The following PTCH1 variants were observed in gnomAD, a reference collection of about 807,000 sequenced individuals.
The protein encoded by PTCH1 is patched 1.
PTCH1 carries 14 observed loss-of-function variants against 144.6 expected under a neutral mutation model. The ratio of observed to expected loss-of-function variants is 0.10; its 90% CI spans 0.06 to 0.15. The LOEUF is 0.15. Ranked by LOEUF, PTCH1 falls within the 10% of genes least tolerant of loss-of-function variation. The pLI is 1.00. For missense variants in PTCH1, 1,623 were observed against 1,948.3 expected (o/e 0.83, Z 3.14); for synonymous variants, 833 against 793.6 (o/e 1.05, Z -0.83).
chr9:95,449,204 C>G lies in PTCH1; in HGVS notation c.3669G>C (p.Ser1223=), dbSNP rs780515178. 6.2e-7 allele frequency: 1 copy of G among 1,605,994 alleles called. No individual in the cohort carries two copies. The highest frequency in any genetic ancestry group is 1.3e-5 in the African/African-American group (1 of 74,860). The part of the protein sequence containing the change: ...HTHSGSDSSD[S]EYSSQTTVSG... Reference sequence around the variant, plus strand: ...ACACTGTCGTCTGGGAACTATACTCCGAGTCGGAGGAATCAGACCCGCTGT... The same window carrying G: ...ACACTGTCGTCTGGGAACTATACTCGGAGTCGGAGGAATCAGACCCGCTGT... Residue 1223 remains serine, a synonymous_variant, in exon 22 of 24, where the codon TCG becomes TCC. Transcript: ENST00000331920. This position sits in a 1 kb window ranked among gnomAD's most constrained non-coding sequence, Gnocchi z 5.3.
Position 95,462,999 on chromosome 9 carries a change from C to A in PTCH1, c.2561-1001G>T, listed in dbSNP as rs571637432. ...GCTCTCCGGGACACCCCCCTCCCCC[C>A]ACCCACCCTTGCCCCTCCCAGCCAC... is the stretch of plus-strand genomic sequence containing the variant. On this transcript the variant is annotated intron_variant, in intron 15 of 23. Coordinates refer to ENST00000331920, the MANE Select transcript of PTCH1 (RefSeq NM_000264.5). 3.1e-4 allele frequency among the ~76,000 whole-genome samples: 46 copies of A among 149,522 alleles called. No individual in the cohort carries two copies. The South Asian group carries it at 5.4e-3, about 17-fold the overall frequency.
chr9:95,447,613 C>T (rs1427923942), intron 22 of PTCH1, among the ~76,000 whole-genome samples, 162 bp from the exon 23 acceptor site: 2 of 152,254 alleles, frequency 1.3e-5, no homozygotes, highest in African/African-American at 4.8e-5. Context: ...CTTCTAATAA[C>T]CTCCAGGACC....
chr9:95,480,294 A>C, intron 6 of PTCH1, 96 bp downstream of exon 6: 1 of 1,549,286 alleles, frequency 6.5e-7, no homozygotes, highest in Non-Finnish European at 8.8e-7. Context: ...TGGAGAATGA[A>C]ATGTTAAAAA....
At position 95,508,397 on chromosome 9, in the gene PTCH1, G is replaced by A. The variant is rs1843921545; in HGVS notation, c.-36C>T. 3 of 1,106,180 alleles carry A rather than the reference G, an allele frequency of 2.7e-6. No individual in the cohort carries two copies. Among genetic ancestry groups the A allele is most frequent in the Non-Finnish European group, 3.3e-6 (3 of 910,024 alleles). 68.5% of individuals were successfully genotyped at this position (1,106,180 alleles called of 1,614,324 possible). A position where few individuals can be genotyped will look rare whatever the true frequency, so the allele number is the denominator to read the frequency against. ...CCGCCGCCGCCGCCGCGGGGACGGA[G>A]GCTTCCCGGGCGGCCCGGCGCGCTG... On this transcript the variant is annotated 5_prime_UTR_variant, in exon 1 of 24. Transcript: ENST00000331920.
At position 95,506,444 on chromosome 9, in the gene PTCH1, C is replaced by G. The variant is rs377575915; in HGVS notation, c.357G>C (p.Ala119=). Residue 119 remains alanine, a synonymous_variant, in exon 2 of 24, where the codon GCG becomes GCC. Transcript: ENST00000331920. ...GCTCCTCCACGTTGGTCTCGAGGTTCGCTGCTTTTAATCCCACCGCGAAGG... is the reference window on the plus strand; with the variant it reads ...GCTCCTCCACGTTGGTCTCGAGGTTGGCTGCTTTTAATCCCACCGCGAAGG... ...FGAFAVGLKA[A]NLETNVEELW... is the part of the protein sequence containing the mutation. 3.1e-6 allele frequency: 5 copies of G among 1,612,642 alleles called. No homozygotes were observed. In the African/African-American group the frequency reaches 6.7e-5, roughly 22 times the overall value.
intron 2 of PTCH1, among the ~76,000 whole-genome samples, chr9:95,502,270 C>A (rs1413268598): frequency 1.3e-5 from 2 of 152,224 alleles, no homozygotes; most frequent in Non-Finnish European, 2.9e-5. Flanking sequence ...GCACTGCTGT[C>A]CTTCATGTTA....
chr9:95,447,418 A>C lies in PTCH1; in HGVS notation c.3838T>G (p.Ser1280Ala), dbSNP rs2136584448. The change falls in exon 23 of 24, where the codon TCG (serine) becomes GCG (alanine). Residue 1280 changes from serine (S) to alanine (A), a missense_variant. Ser to Ala is a moderately conservative substitution (Grantham distance 99). Transcript: ENST00000331920. ...VHPESRHHPP[S>A]NPRQQPHLDS... is the part of the protein sequence containing the mutation. The stretch of plus-strand genomic sequence containing the variant: ...AGGTGGGGCTGCTGTCTCGGGTTCG[A>C]GGGTGGGTGATGCCTGGATTCGGGA... 1 of 1,602,418 alleles carries C rather than the reference A, an allele frequency of 6.2e-7. No individual in the cohort carries two copies.
chr9:95,516,841 T>TGCC (rs763500444), exon 1 of PTCH1: 1 of 1,584,108 alleles, frequency 6.3e-7, no homozygotes, highest in Non-Finnish European at 8.6e-7. Context: ...GTGGGTGGTC[T>TGCC]GCCGCGCCAT....
exon 1 of PTCH1, chr9:95,516,764 C>G (rs544785484): frequency 1.2e-6 from 2 of 1,613,252 alleles, no homozygotes; most frequent in South Asian, 2.2e-5. Context: ...CGGAGGCTTT[C>G]GGCGGAGTGC....
At chr9:95,516,555 C>T (rs2118956849) in exon 1 of PTCH1, 1 of 1,543,908 alleles carries the variant, frequency 6.5e-7, no homozygotes, top group Non-Finnish European at 8.7e-7. Flanking sequence ...CCTTTTTTTT[C>T]CCTGGCCCCC....
At chr9:95,457,948 C>A (rs910168589) in intron 18 of PTCH1, 65 bp downstream of exon 18, 2 of 1,599,976 alleles carry the variant, frequency 1.3e-6, no homozygotes, top group Non-Finnish European at 1.7e-6. Context: ...CAAAACTTCC[C>A]GGCTGCAGAA....
At chr9:95,512,469 G>A (rs961477534), upstream of PTCH1, among the ~76,000 whole-genome samples, 17 of 150,070 alleles carry the variant, frequency 1.1e-4, no homozygotes, top group African/African-American at 4.2e-4. Flanking sequence ...TTTCTGTAAC[G>A]TTTTAAGAAA....
intron 8 of PTCH1, 56 bp downstream of exon 8, chr9:95,478,944 A>G: frequency 6.2e-7 from 1 of 1,611,812 alleles, no homozygotes; most frequent in Non-Finnish European, 8.5e-7. Flanking sequence ...AATAATGGTG[A>G]AAATGAAGAA....
At chr9:95,516,393 G>T (rs894370044) in intron 1 of PTCH1, 19 of 1,176,788 alleles carry the variant, frequency 1.6e-5, no homozygotes, top group South Asian at 3.6e-5. Flanking sequence ...CCGCGTCCCC[G>T]TGTCCCCGCG....
intron 9 of PTCH1, 62 bp from the exon 10 acceptor site, chr9:95,477,764 A>G (rs1841179711): frequency 1.9e-6 from 3 of 1,593,842 alleles, no homozygotes; most frequent in Non-Finnish European, 2.6e-6. Context: ...TTGTGATTCT[A>G]ATGTTTCCCT....
intron 1 of PTCH1, among the ~76,000 whole-genome samples, chr9:95,514,783 C>G (rs1844292662): frequency 1.3e-5 from 2 of 152,102 alleles, no homozygotes; most frequent in South Asian, 4.1e-4. Flanking sequence ...AAAATAATTC[C>G]AAATGGTTCT....
At chr9:95,460,129 C>A (rs1839337177) in intron 16 of PTCH1, among the ~76,000 whole-genome samples, 1 of 152,178 alleles carries the variant, frequency 6.6e-6, no homozygotes, top group African/African-American at 2.4e-5. Context: ...AGAAACCTGG[C>A]AAGAATCCCC....
chr9:95,463,634 T>C (rs1387236731), intron 15 of PTCH1, among the ~76,000 whole-genome samples: 2 of 152,200 alleles, frequency 1.3e-5, no homozygotes, highest in African/African-American at 2.4e-5. Context: ...CCCCTCTCCC[T>C]TAACCAGCTA....
rs1060504533 is a variant in PTCH1 at position 95,506,543 on chromosome 9, G to A, written c.258C>T (p.Leu86=). 1 of 1,613,512 alleles carries A rather than the reference G, an allele frequency of 6.2e-7. No homozygotes were observed. ...GAATGTAACAACCCAGTTTAAATAA[G>A]AGTCTCTGAAACTTCGCTCTCAGCC... ...PLWLRAKFQR[L]LFKLGCYIQK... is the part of the protein sequence containing the mutation. The change falls in exon 2 of 24, where the codon CTC becomes CTT. Residue 86 remains leucine (L), a synonymous_variant. Transcript: ENST00000331920.
Sources: gnomAD v4.1 joint callset for allele counts (sites outside exome capture counted in the v4.1 genomes callset) on GRCh38, gnomAD v4.1.1 for gene constraint, Gnocchi (gnomAD v3.1) non-coding constraint, MANE v1.5 for transcripts, NCBI Gene and HGNC (gene_info 2026-07-23, HGNC 2026-07-21) for gene names.